The following PSME4 variants were observed in gnomAD, a reference collection of about 807,000 sequenced individuals.
PSME4 encodes proteasome activator subunit 4, also known as proteasome activator complex subunit 4.
PSME4 carries 89 observed loss-of-function variants against 253.9 expected under a neutral mutation model. The ratio of observed to expected loss-of-function variants is 0.35; its 90% CI spans 0.30 to 0.42. The LOEUF is 0.42. Ranked by LOEUF, PSME4 falls within the 10% of genes least tolerant of loss-of-function variation. The pLI is 1.00. For missense variants in PSME4, 2,014 were observed against 2,195.2 expected, an observed-to-expected ratio of 0.92 and a Z score of 1.65; for synonymous variants, 851 against 759.2, an observed-to-expected ratio of 1.12 and a Z score of -1.99.
chr2:53,872,340 G>GT (rs1484115443), intron 43 of PSME4, among the ~76,000 whole-genome samples: 1 of 152,112 alleles, frequency 6.6e-6, no homozygotes, highest in African/African-American at 2.4e-5. Flanking sequence ...AGATAACATT[G>GT]TTTTTCCCCA....
chr2:53,930,339 C>G (rs188172917), intron 10 of PSME4, among the ~76,000 whole-genome samples: 1 of 152,146 alleles, frequency 6.6e-6, no homozygotes. Flanking sequence ...AAAGAAACAT[C>G]AAAAACACTC....
At chr2:53,968,744 C>A (rs1464731807) in intron 1 of PSME4, among the ~76,000 whole-genome samples, 1 of 152,232 alleles carries the variant, frequency 6.6e-6, no homozygotes, top group African/African-American at 2.4e-5. Context: ...TATCTGCAAT[C>A]CAGCCCTAAA....
In PSME4 at chr2:53,948,546, T is replaced by C. The variant is rs1049643670; in HGVS notation, c.384-9A>G. 1 of 1,491,322 alleles carries C rather than the reference T, an allele frequency of 6.7e-7. No homozygotes were observed. Among genetic ancestry groups the C allele is most frequent in the South Asian group, 1.1e-5 (1 of 88,610 alleles). The allele number at this position is 1,491,322 out of a possible 1,614,324, so 92.4% of individuals were successfully genotyped here. On this transcript the variant is annotated splice_polypyrimidine_tract_variant and intron_variant, in intron 2 of 46. Coordinates refer to ENST00000404125, the MANE Select transcript of PSME4 (RefSeq NM_014614.3). ...AAAGAAGTTCCTTTTTCCTAAAAAG[T>C]AAAATAAAATAAATACCTATGTATG... is the stretch of plus-strand genomic sequence containing the variant.
chr2:53,912,221 T>C (rs114896089), intron 20 of PSME4, among the ~76,000 whole-genome samples: 4,952 of 152,230 alleles, frequency 0.033, 105 homozygotes, highest in Non-Finnish European at 0.047. Context: ...GGCTGACTTT[T>C]CCTGTATGTG....
intron 20 of PSME4, among the ~76,000 whole-genome samples, chr2:53,912,822 A>C (rs1232835918): frequency 6.6e-6 from 1 of 152,204 alleles, no homozygotes; most frequent in African/African-American, 2.4e-5. Flanking sequence ...TTACCCAAGT[A>C]AAATATCATG....
intron 43 of PSME4, among the ~76,000 whole-genome samples, chr2:53,872,593 G>C (rs950076447): frequency 2.6e-5 from 4 of 150,976 alleles, no homozygotes; most frequent in Admixed American, 6.6e-5. Flanking sequence ...CACAAAAAAA[G>C]TAATTCCGTG....
chr2:53,867,941 AAGTT>A (rs751821933), intron 44 of PSME4, among the ~76,000 whole-genome samples: 110 of 152,246 alleles, frequency 7.2e-4, no homozygotes, highest in Non-Finnish European at 6.0e-4. Context: ...GTAGTAGTGT[AAGTT>A]AGTTCTGTAG....
Position 53,923,404 on chromosome 2 carries a change from C to T in PSME4, c.1825G>A (p.Val609Ile), listed in dbSNP as rs1439022082. ...ATATGTGAAGTAGAAAAATTAAAAA[C>T]CTTCTGAAGGGCCACCTGTTAAGAT... ...KEIFMVALQK[V>I]FNFSTSHIFE... is the part of the protein sequence containing the mutation. The change falls in exon 15 of 47, where the codon GTT (valine) becomes ATT (isoleucine). Residue 609 changes from valine to isoleucine, a missense_variant. This residue lies in a region of PSME4 where 989 missense variants were observed against 1,021.1 expected (regional missense o/e 0.97). Coordinates refer to ENST00000404125, the MANE Select transcript of PSME4 (RefSeq NM_014614.3). The T allele has an allele frequency of 1.2e-6, 2 of 1,605,392 alleles. No homozygotes were observed. The highest frequency in any genetic ancestry group is 1.7e-6 in the Non-Finnish European group (2 of 1,177,322).
At chr2:53,903,877 A>C (rs805427) in intron 27 of PSME4, 148 bp downstream of exon 27, 2 of 630,602 alleles carry the variant, frequency 3.2e-6, no homozygotes, top group Non-Finnish European at 5.4e-6. Flanking sequence ...ATTAAAAAAA[A>C]GAACAGATAT....
chr2:53,881,126 T>C (rs1477764956), intron 41 of PSME4, among the ~76,000 whole-genome samples: 1 of 152,210 alleles, frequency 6.6e-6, no homozygotes, highest in African/African-American at 2.4e-5. Context: ...ATAGATTATA[T>C]ACTAAACTAT....
chr2:53,925,039 A>G (rs1451722384), intron 14 of PSME4, among the ~76,000 whole-genome samples: 1 of 152,186 alleles, frequency 6.6e-6, no homozygotes, highest in East Asian at 1.9e-4. Flanking sequence ...ACGCTTACCT[A>G]GCACAGTGTT....
At chr2:53,955,142 G>C (rs536470525) in intron 1 of PSME4, among the ~76,000 whole-genome samples, 1 of 152,178 alleles carries the variant, frequency 6.6e-6, no homozygotes, top group East Asian at 1.9e-4. Context: ...CTGCATTTCA[G>C]CCTGGGTAAC....
chr2:53,940,057 T>A, intron 3 of PSME4, 57 bp from the exon 4 acceptor site: 1 of 1,273,974 alleles, frequency 7.8e-7, no homozygotes, highest in Non-Finnish European at 1.1e-6. Flanking sequence ...ACATATCTAA[T>A]TCAATTAATA....
At chr2:53,911,274 T>C (rs1667815883) in intron 20 of PSME4, among the ~76,000 whole-genome samples, 1 of 152,190 alleles carries the variant, frequency 6.6e-6, no homozygotes, top group Admixed American at 6.5e-5. Flanking sequence ...GGCTTCTTTT[T>C]CACTAACTTA....
intron 12 of PSME4, among the ~76,000 whole-genome samples, 187 bp downstream of exon 12, chr2:53,927,207 C>T (rs544607247): frequency 1.3e-5 from 2 of 152,268 alleles, no homozygotes; most frequent in East Asian, 1.9e-4. Flanking sequence ...TATTTTTGAG[C>T]CACCTCCTGT....
Position 53,890,006 on chromosome 2 carries a change from A to G in PSME4, c.4296+98T>C, listed in dbSNP as rs186449900. The G allele has an allele frequency of 5.8e-4, 546 of 935,896 alleles. 2 individuals carry two copies. In the African/African-American group the frequency reaches 8.1e-3, roughly 14 times the overall value. The allele number at this position is 935,896 out of a possible 1,614,324, so 58.0% of individuals were successfully genotyped here. ...AACAATTAAAAAACAAAACCCAAAA[A>G]GATTTAAGAAGTGTTATGAGATTTC... On this transcript the variant is annotated intron_variant, in intron 37 of 46. Transcript: ENST00000404125.
intron 18 of PSME4, 110 bp from the exon 19 acceptor site, chr2:53,920,460 C>G: frequency 8.9e-7 from 1 of 1,120,722 alleles, no homozygotes; most frequent in South Asian, 2.0e-5. Context: ...TACACATAAT[C>G]CAAACCTAAG....
At chr2:53,949,071 A>G in intron 2 of PSME4, 72 bp downstream of exon 2, 2 of 1,452,260 alleles carry the variant, frequency 1.4e-6, no homozygotes, top group East Asian at 2.4e-5. Context: ...TACCAAAAAC[A>G]CTTAGTCCTC....
chr2:53,962,047 A>T (rs1670517733), intron 1 of PSME4, among the ~76,000 whole-genome samples: 1 of 152,276 alleles, frequency 6.6e-6, no homozygotes, highest in Non-Finnish European at 1.5e-5. Flanking sequence ...AAGGAAGAGG[A>T]ACAGGCTATG....
Sources: allele counts gnomAD v4.1 joint callset (sites outside exome capture counted in the v4.1 genomes callset), GRCh38; gene constraint gnomAD v4.1.1; regional missense constraint gnomAD v4.1.1; transcripts MANE v1.5; gene names NCBI Gene and HGNC (gene_info 2026-07-23, HGNC 2026-07-21).